Variants in SRBD1 observed in about 807,000 individuals in gnomAD.
The protein encoded by SRBD1 is S1 RNA-binding domain-containing protein 1.
SRBD1 carries 88 observed loss-of-function variants against 115.3 expected under a neutral mutation model. The observed-to-expected ratio is 0.76, with a 90% CI of 0.64 to 0.91. The LOEUF (loss-of-function observed/expected upper bound fraction) is 0.91, where lower values mean the gene tolerates loss of function less well. Among genes scored for constraint, SRBD1 ranks in the 40% least tolerant of loss-of-function variants. The pLI is 0.00. For missense variants in SRBD1, 1,385 were observed against 1,177.4 expected, an observed-to-expected ratio of 1.18 and a Z score of -2.58; for synonymous variants, 509 against 407.7, an observed-to-expected ratio of 1.25 and a Z score of -2.99.
chr2:45,389,786 T>G (rs1666947749), intron 20 of SRBD1, among the ~76,000 whole-genome samples, 187 bp from the exon 21 acceptor site: 2 of 152,178 alleles, frequency 1.3e-5, no homozygotes, highest in Non-Finnish European at 2.9e-5. Context: ...GAGACAGCAT[T>G]CATGCAGTAG....
Position 45,547,602 on chromosome 2 carries a change from A to C in SRBD1, c.1686T>G (p.Leu562=), listed in dbSNP as rs1672161740. The C allele has an allele frequency of 6.2e-7, 1 of 1,613,096 alleles. No individual in the cohort carries two copies. Among genetic ancestry groups the C allele is most frequent in the South Asian group, 1.1e-5 (1 of 90,940 alleles). ...LAIISPTSQI[L]HTDVVYLHCG... Reference sequence around the variant, plus strand: ...AATGCAAGTAAACCACATCAGTATGAAGTATCTGACCTTTAAAAAATGAAA... The same window carrying C: ...AATGCAAGTAAACCACATCAGTATGCAGTATCTGACCTTTAAAAAATGAAA... The change falls in exon 13 of 21, where the codon CTT becomes CTG. Residue 562 remains leucine, a synonymous_variant. Transcript: ENST00000263736.
chr2:45,541,801 T>G (rs1380730336), intron 14 of SRBD1, among the ~76,000 whole-genome samples: 2 of 152,224 alleles, frequency 1.3e-5, no homozygotes, highest in Non-Finnish European at 2.9e-5. Context: ...TTCCCATAGC[T>G]GGTAGTCCCA....
intron 14 of SRBD1, among the ~76,000 whole-genome samples, chr2:45,494,938 T>G (rs1296989991): frequency 2.6e-5 from 4 of 152,214 alleles, no homozygotes; most frequent in Admixed American, 2.6e-4. Flanking sequence ...TTTGTTTTTT[T>G]AAGTTTGTTA....
chr2:45,410,968 T>C (rs1667585222), intron 19 of SRBD1, among the ~76,000 whole-genome samples: 1 of 152,166 alleles, frequency 6.6e-6, no homozygotes, highest in South Asian at 2.1e-4. Flanking sequence ...ATATCCTTTA[T>C]AATAAGTGGA....
chr2:45,589,876 A>G (rs1673663611), intron 4 of SRBD1, among the ~76,000 whole-genome samples: 1 of 152,234 alleles, frequency 6.6e-6, no homozygotes, highest in Admixed American at 6.5e-5. Context: ...GGAGCTAACA[A>G]GCTAACAAAA....
At chr2:45,408,390 G>T (rs1253799019) in intron 19 of SRBD1, among the ~76,000 whole-genome samples, 1 of 152,152 alleles carries the variant, frequency 6.6e-6, no homozygotes, top group Non-Finnish European at 1.5e-5. Flanking sequence ...GCCGAGAAGC[G>T]ATCATCTCTA....
chr2:45,416,267 AT>A, intron 18 of SRBD1, among the ~76,000 whole-genome samples: 5 of 116,630 alleles, frequency 4.3e-5, no homozygotes, highest in African/African-American at 1.1e-4. Context: ...AAGTATAAAA[AT>A]TAAAAAAAAC....
At chr2:45,603,633 G>A (rs1472766271) in intron 2 of SRBD1, among the ~76,000 whole-genome samples, 1 of 152,154 alleles carries the variant, frequency 6.6e-6, no homozygotes, top group Non-Finnish European at 1.5e-5. Context: ...GGGTTCAAGT[G>A]ATTCTCACGT....
At chr2:45,600,027 T>A (rs1674043077) in intron 3 of SRBD1, among the ~76,000 whole-genome samples, 192 bp from the exon 4 acceptor site, 1 of 152,204 alleles carries the variant, frequency 6.6e-6, no homozygotes, top group Non-Finnish European at 1.5e-5. Context: ...TTATATAACA[T>A]TCCTGAAGAG....
intron 4 of SRBD1, among the ~76,000 whole-genome samples, chr2:45,594,547 T>C (rs1673832783): frequency 6.6e-6 from 1 of 152,184 alleles, no homozygotes; most frequent in Non-Finnish European, 1.5e-5. Context: ...AATCACACAT[T>C]TGCAGTTTGG....
At chr2:45,515,348 T>C (rs1442179657) in intron 14 of SRBD1, among the ~76,000 whole-genome samples, 3 of 152,180 alleles carry the variant, frequency 2.0e-5, no homozygotes, top group African/African-American at 7.2e-5. Context: ...GTTATACAAC[T>C]AGTAGGTGGC....
At chr2:45,517,911 G>C (rs1572725135) in intron 14 of SRBD1, among the ~76,000 whole-genome samples, 2 of 151,922 alleles carry the variant, frequency 1.3e-5, no homozygotes, top group South Asian at 4.1e-4. Context: ...TGAGGTTGGA[G>C]GATCCCTTGA....
At chr2:45,442,863 T>C (rs1417470509) in intron 16 of SRBD1, among the ~76,000 whole-genome samples, 1 of 152,212 alleles carries the variant, frequency 6.6e-6, no homozygotes, top group African/African-American at 2.4e-5. Flanking sequence ...TTTTATAATA[T>C]TCTAACAAAA....
intron 16 of SRBD1, among the ~76,000 whole-genome samples, chr2:45,474,650 C>T (rs985732755): frequency 6.6e-6 from 1 of 152,150 alleles, no homozygotes; most frequent in East Asian, 1.9e-4. Context: ...TTTGGCTCTA[C>T]CGGGAACTGC....
rs558106429 is a variant in SRBD1, at chr2:45,565,223, A to C, written c.1306-2467T>G. 3.3e-5 allele frequency among the ~76,000 whole-genome samples: 5 copies of C among 152,348 alleles called. No individual in the cohort carries two copies. The South Asian group carries it at 1.0e-3, about 32-fold the overall frequency. The stretch of plus-strand genomic sequence containing the variant: ...TAAACTTGGAAGATTCCCACTTCCC[A>C]ATTTCAAAACTGACTACAAAGCCAC... On this transcript the variant is annotated intron_variant, in intron 9 of 20. Coordinates refer to ENST00000263736, the MANE Select transcript of SRBD1 (RefSeq NM_018079.5).
At chr2:45,422,315 C>T (rs1203403803) in intron 16 of SRBD1, among the ~76,000 whole-genome samples, 1 of 152,144 alleles carries the variant, frequency 6.6e-6, no homozygotes, top group African/African-American at 2.4e-5. Flanking sequence ...AAACAGAAGC[C>T]TGACCGTGTG....
chr2:45,431,022 C>T (rs1053666972), intron 16 of SRBD1, among the ~76,000 whole-genome samples: 2 of 152,004 alleles, frequency 1.3e-5, no homozygotes, highest in African/African-American at 4.8e-5. Context: ...TTTATGCGGC[C>T]AACAAACATG....
At chr2:45,466,615 C>T (rs1451183179) in intron 16 of SRBD1, among the ~76,000 whole-genome samples, 4 of 152,172 alleles carry the variant, frequency 2.6e-5, no homozygotes, top group Non-Finnish European at 5.9e-5. Context: ...AGTACGTTCA[C>T]TTTAAAGGAA....
intron 10 of SRBD1, among the ~76,000 whole-genome samples, chr2:45,555,665 TG>T (rs1672452223): frequency 6.7e-6 from 1 of 150,128 alleles, no homozygotes; most frequent in Non-Finnish European, 1.5e-5. Context: ...TTTTTGTTTT[TG>T]TATTTTTAGT....
Sources: allele counts gnomAD v4.1 joint callset (sites outside exome capture counted in the v4.1 genomes callset), GRCh38; gene constraint gnomAD v4.1.1; transcripts MANE v1.5; gene names NCBI Gene and HGNC (gene_info 2026-07-23, HGNC 2026-07-21).